MAST2: variants seen among roughly 807,000 people sequenced by gnomAD.
MAST2 encodes the protein microtubule-associated serine/threonine-protein kinase 2.
MAST2 carries 70 observed loss-of-function variants against 147.4 expected under a neutral mutation model. The ratio of observed to expected loss-of-function variants is 0.47; its 90% CI spans 0.39 to 0.58. The LOEUF is 0.58. Ranked by LOEUF, MAST2 falls within the 20% of genes least tolerant of loss-of-function variation. MAST2 has a pLI of 0.00. For missense variants in MAST2, 2,080 were observed against 2,302.3 expected, an observed-to-expected ratio of 0.90 and a Z score of 1.98; for synonymous variants, 869 against 896.8, an observed-to-expected ratio of 0.97 and a Z score of 0.55.
chr1:45,804,433 A>G (rs1475095010), intron 1 of MAST2, among the ~76,000 whole-genome samples: 5 of 152,210 alleles, frequency 3.3e-5, no homozygotes, highest in East Asian at 1.9e-4. Context: ...ATGTAAGTCA[A>G]TTTGATGTAG....
chr1:45,857,747 C>T (rs968977100), intron 3 of MAST2, among the ~76,000 whole-genome samples: 1 of 151,996 alleles, frequency 6.6e-6, no homozygotes, highest in Non-Finnish European at 1.5e-5. Flanking sequence ...CTATCCCTCT[C>T]CCCTCCCCCG....
chr1:45,965,386 TG>T (rs1661037534), intron 5 of MAST2, among the ~76,000 whole-genome samples: 1 of 152,208 alleles, frequency 6.6e-6, no homozygotes, highest in Non-Finnish European at 1.5e-5. Context: ...GTTAAGGCCT[TG>T]CTTTATGAAT....
chr1:45,859,310 G>A (rs1024477484), intron 3 of MAST2, among the ~76,000 whole-genome samples: 1 of 152,184 alleles, frequency 6.6e-6, no homozygotes, highest in East Asian at 1.9e-4. Flanking sequence ...ATGTTGGCCA[G>A]GCTAGTCTCA....
At chr1:45,811,157 A>G (rs1352061865) in intron 1 of MAST2, among the ~76,000 whole-genome samples, 7 of 143,196 alleles carry the variant, frequency 4.9e-5, no homozygotes, top group Non-Finnish European at 9.0e-5. Context: ...AGCCGAGAGC[A>G]GTATATTTCT....
intron 4 of MAST2, among the ~76,000 whole-genome samples, chr1:45,885,324 G>A (rs553457178): frequency 6.6e-6 from 1 of 152,286 alleles, no homozygotes; most frequent in South Asian, 2.1e-4. Context: ...CATGGACATA[G>A]AGAAATTTAG....
chr1:45,868,302 G>T (rs572550458), intron 3 of MAST2, among the ~76,000 whole-genome samples: 1 of 152,302 alleles, frequency 6.6e-6, no homozygotes, highest in Non-Finnish European at 1.5e-5. Flanking sequence ...TATGGGGGAT[G>T]ATTTTAACTT....
chr1:45,872,932 A>G (rs1389897902), intron 3 of MAST2, among the ~76,000 whole-genome samples: 11 of 152,200 alleles, frequency 7.2e-5, no homozygotes, highest in Non-Finnish European at 1.3e-4. Context: ...ATTTTGTTCA[A>G]TATAGTCAAA....
At chr1:45,917,401 C>T (rs1314245296) in intron 4 of MAST2, 2 of 1,366,566 alleles carry the variant, frequency 1.5e-6, no homozygotes, top group Non-Finnish European at 2.0e-6. Context: ...ACATCTGCTC[C>T]AGCCCTCTTC....
intron 3 of MAST2, among the ~76,000 whole-genome samples, chr1:45,869,887 T>TG (rs943447048): frequency 4.6e-5 from 7 of 151,574 alleles, no homozygotes; most frequent in African/African-American, 1.7e-4. Context: ...TCTAAAGTCT[T>TG]GAAGATCTCT....
intron 3 of MAST2, among the ~76,000 whole-genome samples, chr1:45,860,467 C>T (rs985024148): frequency 1.3e-5 from 2 of 151,982 alleles, no homozygotes; most frequent in South Asian, 2.1e-4. Context: ...CAGTCCTTCC[C>T]TTCCTGGCTG....
At chr1:45,850,838 T>TG (rs1404763158) in intron 3 of MAST2, among the ~76,000 whole-genome samples, 1 of 43,670 alleles carries the variant, frequency 2.3e-5, no homozygotes, top group Non-Finnish European at 5.0e-5. Flanking sequence ...GTACTATGCT[T>TG]TTTTTTTTTT....
chr1:45,887,480 G>A (rs1386166225), intron 4 of MAST2, among the ~76,000 whole-genome samples: 1 of 152,188 alleles, frequency 6.6e-6, no homozygotes, highest in African/African-American at 2.4e-5. Context: ...CATTTGGGCA[G>A]TGGACTTAGA....
intron 1 of MAST2, among the ~76,000 whole-genome samples, chr1:45,815,657 A>G (rs1003806246): frequency 6.6e-6 from 1 of 152,200 alleles, no homozygotes; most frequent in African/African-American, 2.4e-5. Flanking sequence ...ATACTTTGTG[A>G]CTAGCTCAGT....
intron 16 of MAST2, among the ~76,000 whole-genome samples, chr1:46,026,443 G>C (rs1646414249): frequency 1.3e-5 from 2 of 152,152 alleles, no homozygotes; most frequent in Admixed American, 6.5e-5. Flanking sequence ...GGGCCCTTTT[G>C]TTATATTTGG....
chr1:46,021,859 C>A, intron 11 of MAST2, 91 bp from the exon 12 acceptor site: 1 of 1,236,172 alleles, frequency 8.1e-7, no homozygotes, highest in Non-Finnish European at 1.2e-6. Context: ...AAGTCTTGTT[C>A]ATCTCAGTCT....
chr1:45,818,012 A>G (rs1644507585), intron 1 of MAST2, among the ~76,000 whole-genome samples: 1 of 152,208 alleles, frequency 6.6e-6, no homozygotes, highest in Non-Finnish European at 1.5e-5. Context: ...TTTCTCTGCA[A>G]AACGTTGTCG....
In MAST2 at chr1:45,803,887, G is replaced by C; in HGVS notation, c.-9G>C. ...GCGGCGCTGACGCCCGCGGGCCCCAGCTGCAGATATGAAGCGGAGCCGCTG... is the reference window on the plus strand; with the variant it reads ...GCGGCGCTGACGCCCGCGGGCCCCACCTGCAGATATGAAGCGGAGCCGCTG... On this transcript the variant is annotated 5_prime_UTR_variant, in exon 1 of 29. Coordinates refer to ENST00000361297, the MANE Select transcript of MAST2 (RefSeq NM_015112.3). 1.7e-6 allele frequency: 1 copy of C among 593,236 alleles called. No homozygotes were observed. Among genetic ancestry groups the C allele is most frequent in the Non-Finnish European group, 2.6e-6 (1 of 388,840 alleles). The allele number at this position is 593,236 out of a possible 1,614,324, so 36.7% of individuals were successfully genotyped here. A position where few individuals can be genotyped will look rare whatever the true frequency, so the allele number is the denominator to read the frequency against.
chr1:46,020,267 C>G (rs890738243), intron 11 of MAST2, among the ~76,000 whole-genome samples: 1 of 152,152 alleles, frequency 6.6e-6, no homozygotes, highest in African/African-American at 2.4e-5. Flanking sequence ...AGTGAATGCT[C>G]CCTGGGGGAC....
chr1:45,841,426 TAAAG>T (rs1317410260), intron 3 of MAST2, among the ~76,000 whole-genome samples: 1 of 151,914 alleles, frequency 6.6e-6, no homozygotes, highest in Admixed American at 6.6e-5. Context: ...TCTTACCGTA[TAAAG>T]AAATATATAC....
Sources: gnomAD v4.1 joint callset for allele counts (sites outside exome capture counted in the v4.1 genomes callset) on GRCh38, gnomAD v4.1.1 for gene constraint, MANE v1.5 for transcripts, NCBI Gene and HGNC (gene_info 2026-07-23, HGNC 2026-07-21) for gene names.